Variants in CMTM8 observed in about 807,000 individuals in gnomAD.
The protein encoded by CMTM8 is CKLF-like MARVEL transmembrane domain-containing protein 8.
In CMTM8, 12 loss-of-function variants were observed where a neutral mutation model predicts 18.6. That is an observed-to-expected ratio of 0.65 (90% confidence interval 0.41 to 1.05). The LOEUF (loss-of-function observed/expected upper bound fraction) is 1.05, where lower values mean the gene tolerates loss of function less well. Ranked by LOEUF, CMTM8 falls within the 50% of genes least tolerant of loss-of-function variation. The pLI is 0.00. For synonymous variants in CMTM8, 87 were observed against 90.6 expected (o/e 0.96, Z 0.23); for missense variants, 217 against 227.2 (o/e 0.95, Z 0.29).
chr3:32,275,358 G>T (rs893998579), intron 1 of CMTM8, among the ~76,000 whole-genome samples: 1 of 152,184 alleles, frequency 6.6e-6, no homozygotes, highest in African/African-American at 2.4e-5. Flanking sequence ...ACTTGGCTTT[G>T]AGTCTTGGCC....
At chr3:32,326,368 C>T (rs926183375) in intron 1 of CMTM8, among the ~76,000 whole-genome samples, 2 of 152,108 alleles carry the variant, frequency 1.3e-5, no homozygotes, top group African/African-American at 4.8e-5. Context: ...CAACCACCCT[C>T]TCCCTCTATA....
At chr3:32,313,714 A>G (rs1401527684) in intron 1 of CMTM8, among the ~76,000 whole-genome samples, 1 of 152,226 alleles carries the variant, frequency 6.6e-6, no homozygotes, top group African/African-American at 2.4e-5. Flanking sequence ...ATCCGTGTTT[A>G]GCAAGTTACA....
intron 1 of CMTM8, among the ~76,000 whole-genome samples, chr3:32,283,110 C>T (rs79960623): frequency 1.0e-3 from 154 of 152,120 alleles, no homozygotes; most frequent in African/African-American, 3.5e-3. Context: ...GCACATAACA[C>T]GCACTAAATA....
At chr3:32,302,323 A>G (rs1695636570) in intron 1 of CMTM8, among the ~76,000 whole-genome samples, 1 of 152,138 alleles carries the variant, frequency 6.6e-6, no homozygotes, top group East Asian at 1.9e-4. Flanking sequence ...CCCACAAAAT[A>G]ACTACCTTGA....
chr3:32,341,999 G>A (rs186566154), intron 1 of CMTM8, among the ~76,000 whole-genome samples: 40 of 152,122 alleles, frequency 2.6e-4, no homozygotes, highest in Admixed American at 1.8e-3. Context: ...TGTAATCCCA[G>A]CACTTTGGGA....
intron 2 of CMTM8, among the ~76,000 whole-genome samples, chr3:32,365,898 A>G (rs1429480942): frequency 6.6e-6 from 1 of 152,170 alleles, no homozygotes; most frequent in Non-Finnish European, 1.5e-5. Context: ...TCATGTTTCT[A>G]TGAAACTCAG....
chr3:32,289,062 A>G (rs1222754051), intron 1 of CMTM8, among the ~76,000 whole-genome samples: 2 of 152,178 alleles, frequency 1.3e-5, no homozygotes, highest in African/African-American at 4.8e-5. Flanking sequence ...GGCAGAATAT[A>G]TGAGCAAAGC....
intron 2 of CMTM8, among the ~76,000 whole-genome samples, chr3:32,365,444 C>CTTTG (rs58691788): frequency 0.3 from 45,930 of 151,388 alleles, 7,204 homozygotes; most frequent in East Asian, 0.39. Context: ...TTTGGTTGTT[C>CTTTG]TTTGTTTGTT....
At position 32,358,533 on chromosome 3, in the gene CMTM8, G is replaced by A. The variant is rs981802053; in HGVS notation, c.321+987G>A. On this transcript the variant is annotated intron_variant, in intron 2 of 3. Coordinates refer to ENST00000307526, the MANE Select transcript of CMTM8 (RefSeq NM_178868.5). The surrounding 1 kb of genome is among the most constrained non-coding windows in gnomAD (Gnocchi z 4.1). Reference sequence around the variant, plus strand: ...ACTTATGAACCAAATTTGAAATATAGTCTATTTGTGGTTATAGACTAAGTT... The same window carrying A: ...ACTTATGAACCAAATTTGAAATATAATCTATTTGTGGTTATAGACTAAGTT... Among the ~76,000 whole-genome samples the A allele has an allele frequency of 2.0e-5, 3 of 152,144 alleles. No homozygotes were observed. The highest frequency in any genetic ancestry group is 7.2e-5 in the African/African-American group (3 of 41,426).
At position 32,301,874 on chromosome 3, in the gene CMTM8, C is replaced by CA. The variant is rs1260087198; in HGVS notation, c.148-55498dup. Among the ~76,000 whole-genome samples the CA allele has an allele frequency of 4.6e-5, 7 of 152,206 alleles. No homozygotes were observed. The East Asian group carries it at 1.3e-3, about 29-fold the overall frequency. ...ACCAGCCATGTGACATTGGGTAAATCACAGTACTTTTGTTTTTGCATATGT... is the reference window on the plus strand; with the variant it reads ...ACCAGCCATGTGACATTGGGTAAATCAACAGTACTTTTGTTTTTGCATATGT... On this transcript the variant is annotated intron_variant, in intron 1 of 3. Transcript: ENST00000307526.
At chr3:32,278,328 A>C (rs1345263809) in intron 1 of CMTM8, among the ~76,000 whole-genome samples, 1 of 152,224 alleles carries the variant, frequency 6.6e-6, no homozygotes, top group African/African-American at 2.4e-5. Flanking sequence ...TAAAGGCAGA[A>C]TGTGAGAGCG....
chr3:32,361,286 G>GTTTGTTTTT lies in CMTM8; in HGVS notation c.321+3743_321+3744insGTTTTTTTT, dbSNP rs140270969. 9.2e-5 allele frequency among the ~76,000 whole-genome samples: 8 copies of GTTTGTTTTT among 87,224 alleles called. 1 individual carries two copies. Among genetic ancestry groups the GTTTGTTTTT allele is most frequent in the South Asian group, 4.6e-4 (1 of 2,194 alleles). 57.2% of individuals were successfully genotyped at this position (87,224 alleles called of 152,430 possible). On this transcript the variant is annotated intron_variant, in intron 2 of 3. Coordinates refer to ENST00000307526, the MANE Select transcript of CMTM8 (RefSeq NM_178868.5). ...GTGAGCCACGGCGCCCAGCCTAAGA[G>GTTTGTTTTT]TTTTTTTTTCTTTCAAATTTTGGAA...
At chr3:32,355,487 C>T (rs758009904) in intron 1 of CMTM8, among the ~76,000 whole-genome samples, 8 of 152,266 alleles carry the variant, frequency 5.3e-5, no homozygotes, top group African/African-American at 1.9e-4. Flanking sequence ...ACTCACTTCT[C>T]GATATTCACT....
At chr3:32,285,224 T>C (rs548486648) in intron 1 of CMTM8, among the ~76,000 whole-genome samples, 42 of 152,192 alleles carry the variant, frequency 2.8e-4, no homozygotes, top group African/African-American at 9.4e-4. Flanking sequence ...AAAATAATAG[T>C]GGTGCAGTGG....
At chr3:32,308,180 C>G (rs544008863) in intron 1 of CMTM8, among the ~76,000 whole-genome samples, 1 of 152,356 alleles carries the variant, frequency 6.6e-6, no homozygotes, top group South Asian at 2.1e-4. Context: ...CTCCATGTCT[C>G]TAATTTAGCA....
At chr3:32,270,836 T>A (rs1702429286) in intron 1 of CMTM8, among the ~76,000 whole-genome samples, 1 of 152,098 alleles carries the variant, frequency 6.6e-6, no homozygotes, top group Non-Finnish European at 1.5e-5. Context: ...AACCTGCACG[T>A]TGTGCACATG....
In CMTM8 at chr3:32,315,275, G is replaced by A. The variant is rs184202828; in HGVS notation, c.148-42098G>A. Among the ~76,000 whole-genome samples the A allele has an allele frequency of 7.9e-3, 1,197 of 151,954 alleles. 23 individuals are homozygous for A. The highest frequency in any genetic ancestry group is 0.028 in the African/African-American group (1,144 of 41,476). Reference sequence around the variant, plus strand: ...CTCCCGAGTAGCTGGGATTACAGGCGCATGCCACCACACCCAGCTAATTTT... The same window carrying A: ...CTCCCGAGTAGCTGGGATTACAGGCACATGCCACCACACCCAGCTAATTTT... On this transcript the variant is annotated intron_variant, in intron 1 of 3. Transcript: ENST00000307526.
intron 1 of CMTM8, among the ~76,000 whole-genome samples, chr3:32,295,329 A>G (rs920595161): frequency 9.2e-5 from 14 of 151,704 alleles, no homozygotes; most frequent in African/African-American, 2.7e-4. Context: ...AATGTCGTGC[A>G]CCTGTAGTCT....
intron 1 of CMTM8, among the ~76,000 whole-genome samples, chr3:32,339,420 G>A (rs561078965): frequency 2.6e-5 from 4 of 152,332 alleles, no homozygotes; most frequent in South Asian, 2.1e-4. Context: ...AGAGAGGACC[G>A]GAAGGAGATG....
Sources: allele counts gnomAD v4.1 joint callset (sites outside exome capture counted in the v4.1 genomes callset), GRCh38; gene constraint gnomAD v4.1.1; non-coding constraint Gnocchi (gnomAD v3.1); transcripts MANE v1.5; gene names NCBI Gene and HGNC (gene_info 2026-07-23, HGNC 2026-07-21).